Variants in KCNT1 observed in about 807,000 individuals in gnomAD.
The protein encoded by KCNT1 is potassium sodium-activated channel subfamily T member 1, also known as potassium channel subfamily T member 1.
KCNT1 carries 78 observed loss-of-function variants against 147.8 expected under a neutral mutation model. The ratio of observed to expected loss-of-function variants is 0.53; its 90% CI spans 0.44 to 0.64. KCNT1 has a LOEUF of 0.64. KCNT1 is among the 30% of genes least tolerant of loss of function. The pLI is 0.00. For synonymous variants in KCNT1, 867 were observed against 748.8 expected, an observed-to-expected ratio of 1.16 and a Z score of -2.58; for missense variants, 1,419 against 1,750.3, an observed-to-expected ratio of 0.81 and a Z score of 3.38.
At chr9:135,771,259 G>C in intron 18 of KCNT1, 164 bp downstream of exon 18, 1 of 658,552 alleles carries the variant, frequency 1.5e-6, no homozygotes, top group Non-Finnish European at 2.6e-6. Flanking sequence ...TGACCAGGTG[G>C]GACGGGAGAC....
chr9:135,752,361 C>A lies in KCNT1; in HGVS notation c.434+1320C>A. 1 of 456,496 alleles carries A rather than the reference C, an allele frequency of 2.2e-6. No individual in the cohort carries two copies. The highest frequency in any genetic ancestry group is 1.5e-5 in the South Asian group (1 of 64,562). 28.3% of individuals were successfully genotyped at this position (456,496 alleles called of 1,614,324 possible). ...AGACTTTCCCTCTCCTAAGAATGAA[C>A]CTCCTGTCTTTGTCTAGGTCAGAAG... On this transcript the variant is annotated intron_variant, in intron 4 of 30. Transcript: ENST00000371757. The surrounding 1 kb of genome is among the most constrained non-coding windows in gnomAD (Gnocchi z 5.1).
At chr9:135,756,050 G>A (rs1344385220) in intron 6 of KCNT1, among the ~76,000 whole-genome samples, 1 of 150,884 alleles carries the variant, frequency 6.6e-6, no homozygotes, top group Non-Finnish European at 1.5e-5. Flanking sequence ...GGGGACCCAG[G>A]CTCAGTGAGC....
Position 135,772,777 on chromosome 9 carries a change from G to A in KCNT1, c.2071G>A (p.Gly691Arg), listed in dbSNP as rs769596439. 1.9e-5 allele frequency: 28 copies of A among 1,487,120 alleles called. No individual in the cohort carries two copies. The highest frequency in any genetic ancestry group is 7.1e-5 in the Admixed American group (3 of 42,338). The allele number at this position is 1,487,120 out of a possible 1,614,324, so 92.1% of individuals were successfully genotyped here. ...HRPTQSGGGG[G>R]GSKLALPTEN... ...GCCTACGCAGAGCGGCGGTGGGGGC[G>A]GGGGCAGCAAGCTGGCACTGCCCAC... is the stretch of plus-strand genomic sequence containing the variant. The change falls in exon 19 of 31, where the codon GGG becomes AGG. Residue 691 changes from glycine (G) to arginine (R), a missense_variant. Gly to Arg is a moderately radical substitution (Grantham distance 125). Around this residue, in one of 5 missense-constraint regions of KCNT1, gnomAD observed 284 missense variants for 292.8 expected, o/e 0.97. Coordinates refer to ENST00000371757, the MANE Select transcript of KCNT1 (RefSeq NM_020822.3).
At chr9:135,706,535 C>G (rs983128851) in intron 1 of KCNT1, among the ~76,000 whole-genome samples, 2 of 152,212 alleles carry the variant, frequency 1.3e-5, no homozygotes, top group Admixed American at 1.3e-4. Context: ...ACTCAGGCCT[C>G]GGAGGCTGAG....
intron 2 of KCNT1, among the ~76,000 whole-genome samples, chr9:135,719,337 A>T (rs1393679321): frequency 6.6e-6 from 1 of 152,176 alleles, no homozygotes; most frequent in Non-Finnish European, 1.5e-5. Flanking sequence ...GGTGTCCCCG[A>T]GCTGGGTCCC....
intron 2 of KCNT1, among the ~76,000 whole-genome samples, chr9:135,734,522 C>T (rs1018050561): frequency 6.6e-6 from 1 of 152,250 alleles, no homozygotes. Context: ...CCCCTCCCCG[C>T]ACCCCAGGCG....
intron 5 of KCNT1, among the ~76,000 whole-genome samples, 183 bp downstream of exon 5, chr9:135,754,176 G>GT (rs1831351059): frequency 6.6e-6 from 1 of 152,180 alleles, no homozygotes; most frequent in Non-Finnish European, 1.5e-5. Context: ...TGGGACCAGG[G>GT]TGGGGTGGGA....
chr9:135,706,014 C>A (rs7850271), intron 1 of KCNT1, among the ~76,000 whole-genome samples: 5,119 of 152,178 alleles, frequency 0.034, 281 homozygotes, highest in African/African-American at 0.12. Flanking sequence ...GGCGGGCGCC[C>A]CGGGAGGAGC....
intron 2 of KCNT1, among the ~76,000 whole-genome samples, chr9:135,715,251 G>T (rs1482772189): frequency 6.6e-6 from 1 of 152,244 alleles, no homozygotes; most frequent in Non-Finnish European, 1.5e-5. Flanking sequence ...AAAATGAATT[G>T]TGTCTTTCAG....
intron 2 of KCNT1, among the ~76,000 whole-genome samples, chr9:135,727,285 C>G (rs1376661342): frequency 8.4e-6 from 1 of 118,862 alleles, no homozygotes; most frequent in East Asian, 2.5e-4. Context: ...CCCATTCTCT[C>G]TCTCTCCCTG....
At chr9:135,732,017 G>A (rs1411000458) in intron 2 of KCNT1, among the ~76,000 whole-genome samples, 1 of 127,644 alleles carries the variant, frequency 7.8e-6, no homozygotes, top group Non-Finnish European at 1.7e-5. Flanking sequence ...GAGAGAGAGA[G>A]AGAGAGAGAG....
At chr9:135,782,000 G>A (rs1012367900) in intron 24 of KCNT1, among the ~76,000 whole-genome samples, 5 of 152,188 alleles carry the variant, frequency 3.3e-5, no homozygotes, top group Non-Finnish European at 5.9e-5. Context: ...GATCACCTGA[G>A]GTCAGGAGTT....
rs530419160 is a variant in KCNT1 at position 135,787,754 on chromosome 9, A to G, written c.3502+1233A>G. Among the ~76,000 whole-genome samples the G allele has an allele frequency of 1.2e-3, 183 of 152,214 alleles. 1 individual carries two copies. The highest frequency in any genetic ancestry group is 2.7e-3 in the Admixed American group (42 of 15,296). On this transcript the variant is annotated intron_variant, in intron 29 of 30. Coordinates refer to ENST00000371757, the MANE Select transcript of KCNT1 (RefSeq NM_020822.3). ...CCTTGAAGCTTCCCTCCATCCCCAC[A>G]GTGTCCCTGTCCCGGGAGGGACTTC...
Position 135,794,641 on chromosome 9 carries a change from G to C in KCNT1, c.*2480G>C, listed in dbSNP as rs1377292649. 1 of 152,254 alleles carries C rather than the reference G, an allele frequency of 6.6e-6. No homozygotes were observed. The highest frequency in any genetic ancestry group is 1.5e-5 in the Non-Finnish European group (1 of 68,046). The allele number at this position is 152,254 out of a possible 1,614,324, so 9.4% of individuals were successfully genotyped here. ...GTGAATCCTCCCGTGGGCAAAGCTG[G>C]GAGCCAGGGGCTGGAACCAGGCAGG... On this transcript the variant is annotated 3_prime_UTR_variant, in exon 31 of 31. Transcript: ENST00000371757.
chr9:135,777,780 C>G (rs947075748), intron 21 of KCNT1, among the ~76,000 whole-genome samples: 1 of 150,814 alleles, frequency 6.6e-6, no homozygotes, highest in Non-Finnish European at 1.5e-5. Context: ...GCTCCCTGTT[C>G]CCCCAGTTCC....
At chr9:135,771,294 G>A (rs1832745778) in intron 18 of KCNT1, 199 bp downstream of exon 18, 1 of 614,482 alleles carries the variant, frequency 1.6e-6, no homozygotes, top group Non-Finnish European at 2.9e-6. Flanking sequence ...GACCAGGTGG[G>A]ACAGGAGACC....
rs66469249 is a variant in KCNT1 at position 135,756,648 on chromosome 9, C to T, written c.541-225C>T. Among the ~76,000 whole-genome samples, 18,564 of 152,120 alleles carry T rather than the reference C, an allele frequency of 0.12. 1,319 individuals carry two copies. The highest frequency in any genetic ancestry group is 0.18 in the South Asian group (867 of 4,820). On this transcript the variant is annotated intron_variant, in intron 6 of 30. Transcript: ENST00000371757. ...CATCCCACCCTGGGCCTAGAGTGGGCGGCCCAGGAGGACCATGGTTTCAAG... is the reference window on the plus strand; with the variant it reads ...CATCCCACCCTGGGCCTAGAGTGGGTGGCCCAGGAGGACCATGGTTTCAAG...
At chr9:135,704,112 C>G (rs749515964) in intron 1 of KCNT1, among the ~76,000 whole-genome samples, 1 of 152,234 alleles carries the variant, frequency 6.6e-6, no homozygotes, top group African/African-American at 2.4e-5. Context: ...CTTCGTGCTG[C>G]CTGGTGGTGG....
chr9:135,717,734 C>G (rs1835777120), intron 2 of KCNT1, among the ~76,000 whole-genome samples: 2 of 152,212 alleles, frequency 1.3e-5, no homozygotes, highest in African/African-American at 4.8e-5. Flanking sequence ...CCCGGGGAAC[C>G]CCCACTTACC....
Sources: gnomAD v4.1 joint callset for allele counts (sites outside exome capture counted in the v4.1 genomes callset) on GRCh38, gnomAD v4.1.1 for gene constraint, gnomAD v4.1.1 regional missense constraint, Gnocchi (gnomAD v3.1) non-coding constraint, MANE v1.5 for transcripts, NCBI Gene and HGNC (gene_info 2026-07-23, HGNC 2026-07-21) for gene names.